The following HOMER2 variants were observed in gnomAD, a reference collection of about 807,000 sequenced individuals.
The protein encoded by HOMER2 is homer protein homolog 2.
A neutral mutation model predicts 47.0 loss-of-function variants in HOMER2; 27 were observed. The observed-to-expected ratio is 0.57, with a 90% confidence interval of 0.42 to 0.79. HOMER2 has a LOEUF of 0.79. Ranked by LOEUF, HOMER2 falls within the 30% of genes least tolerant of loss-of-function variation. The pLI, the probability that HOMER2 is intolerant of heterozygous loss-of-function variation, is 0.00. For missense variants in HOMER2, 443 were observed against 435.0 expected (o/e 1.02, Z -0.16); for synonymous variants, 161 against 163.8 (o/e 0.98, Z 0.13).
intron 3 of HOMER2, among the ~76,000 whole-genome samples, chr15:82,873,349 A>G (rs2052239263): frequency 6.6e-6 from 1 of 152,150 alleles, no homozygotes; most frequent in African/African-American, 2.4e-5. Flanking sequence ...AGATTTACCC[A>G]ATACTTTCTG....
intron 1 of HOMER2, among the ~76,000 whole-genome samples, chr15:82,977,390 C>A (rs984966429): frequency 1.3e-5 from 2 of 152,162 alleles, no homozygotes; most frequent in African/African-American, 2.4e-5. Flanking sequence ...GAAGGATTCA[C>A]CTTCATTCTG....
intron 2 of HOMER2, among the ~76,000 whole-genome samples, chr15:82,880,477 G>A (rs906820692): frequency 5.9e-5 from 9 of 152,154 alleles, no homozygotes; most frequent in African/African-American, 1.4e-4. Context: ...AATGAAAGAC[G>A]TACTTCCACT....
intron 1 of HOMER2, among the ~76,000 whole-genome samples, chr15:82,902,741 G>A (rs1009769134): frequency 6.6e-6 from 1 of 151,094 alleles, no homozygotes; most frequent in Non-Finnish European, 1.5e-5. Context: ...TCTTAATATT[G>A]ACTAGATACG....
intron 2 of HOMER2, among the ~76,000 whole-genome samples, chr15:82,888,978 T>C (rs1410446147): frequency 6.6e-6 from 1 of 152,170 alleles, no homozygotes; most frequent in African/African-American, 2.4e-5. Context: ...TGGAGGCGGC[T>C]TCCCCTTCCA....
At chr15:82,901,431 CAT>C (rs2053114297) in intron 1 of HOMER2, among the ~76,000 whole-genome samples, 1 of 152,172 alleles carries the variant, frequency 6.6e-6, no homozygotes, top group Non-Finnish European at 1.5e-5. Context: ...TCACTAGCAA[CAT>C]AGCAATGCCA....
intron 2 of HOMER2, among the ~76,000 whole-genome samples, chr15:82,881,330 A>G (rs758194767): frequency 1.3e-5 from 2 of 152,186 alleles, no homozygotes; most frequent in Non-Finnish European, 2.9e-5. Context: ...TGCTCATGAA[A>G]CAGGCAGGGG....
At chr15:82,895,480 C>A (rs1027485684) in intron 1 of HOMER2, among the ~76,000 whole-genome samples, 2 of 152,196 alleles carry the variant, frequency 1.3e-5, no homozygotes, top group African/African-American at 4.8e-5. Context: ...CCACTCTCAG[C>A]CCAGCACCAT....
chr15:82,943,413 A>G (rs1011560423), intron 1 of HOMER2, among the ~76,000 whole-genome samples: 5 of 152,170 alleles, frequency 3.3e-5, no homozygotes, highest in Non-Finnish European at 7.3e-5. Context: ...GCTCTTCCTC[A>G]TACCAAGTGA....
intron 1 of HOMER2, among the ~76,000 whole-genome samples, chr15:82,938,507 G>T (rs554599641): frequency 6.6e-6 from 1 of 152,162 alleles, no homozygotes; most frequent in East Asian, 1.9e-4. Context: ...TCCTCTAGTT[G>T]CCGCCTGCCT....
At chr15:82,936,966 T>C (rs1159495396) in intron 1 of HOMER2, among the ~76,000 whole-genome samples, 2 of 152,132 alleles carry the variant, frequency 1.3e-5, no homozygotes, top group Non-Finnish European at 2.9e-5. Context: ...TGCTAAACAA[T>C]ATAGAGGGGC....
At chr15:82,845,145 C>G (rs1020291601), downstream of HOMER2, 5 of 152,062 alleles carry the variant, frequency 3.3e-5, no homozygotes, top group Admixed American at 1.3e-4. Context: ...AATAAAGTCT[C>G]CTCTTAGGTA....
chr15:82,864,325 C>A (rs368549239), intron 3 of HOMER2, 66 bp from the exon 4 acceptor site: 7 of 1,071,170 alleles, frequency 6.5e-6, no homozygotes, highest in Non-Finnish European at 9.7e-6. Context: ...TCAGAACCCA[C>A]CTTTATTTAT....
Position 82,952,690 on chromosome 15 carries a change from T to A in HOMER2, c.-155A>T. On this transcript the variant is annotated 5_prime_UTR_variant, in exon 1 of 9. Coordinates refer to ENST00000450735, the MANE Select transcript of HOMER2 (RefSeq NM_004839.4). ...TTCCGCGGGGCTGCGCGGCTGCCACTGCTGCCACTGCCGCCACCGCCGCCA... is the reference window on the plus strand; with the variant it reads ...TTCCGCGGGGCTGCGCGGCTGCCACAGCTGCCACTGCCGCCACCGCCGCCA... 1.0e-6 allele frequency: 1 copy of A among 987,456 alleles called. No individual in the cohort carries two copies. The highest frequency in any genetic ancestry group is 1.2e-6 in the Non-Finnish European group (1 of 832,528). The allele number at this position is 987,456 out of a possible 1,614,324, so 61.2% of individuals were successfully genotyped here. A position where few individuals can be genotyped will look rare whatever the true frequency, so the allele number is the denominator to read the frequency against.
intron 6 of HOMER2, among the ~76,000 whole-genome samples, chr15:82,853,816 C>T (rs1052859836): frequency 1.3e-5 from 2 of 152,140 alleles, no homozygotes; most frequent in Admixed American, 6.5e-5. Flanking sequence ...GAGTAGAGGG[C>T]GTACAACAGG....
At chr15:82,976,678 G>GTTTTTTT (rs11422973) in intron 1 of HOMER2, among the ~76,000 whole-genome samples, 1 of 125,208 alleles carries the variant, frequency 8.0e-6, no homozygotes, top group Non-Finnish European at 1.6e-5. Context: ...TTTGTGTGTG[G>GTTTTTTT]TTTTTTTTTT....
At chr15:82,863,936 G>C (rs2051876353) in intron 4 of HOMER2, among the ~76,000 whole-genome samples, 1 of 152,190 alleles carries the variant, frequency 6.6e-6, no homozygotes, top group Non-Finnish European at 1.5e-5. Flanking sequence ...CCTGGGCCAG[G>C]ATGTGTATTA....
chr15:82,910,881 A>G (rs1014587982), intron 1 of HOMER2, among the ~76,000 whole-genome samples: 1 of 152,152 alleles, frequency 6.6e-6, no homozygotes, highest in African/African-American at 2.4e-5. Context: ...AAAGTTAAAC[A>G]AGAGGAAGGC....
At chr15:82,841,929 A>C (rs1162322411) in exon 2 of HOMER2, 1 of 152,240 alleles carries the variant, frequency 6.6e-6, no homozygotes, top group African/African-American at 2.4e-5. Context: ...GCTAAAACAT[A>C]CTTTAGGAAA....
chr15:82,958,469 G>A (rs551783498), exon 2 of HOMER2: 4 of 152,398 alleles, frequency 2.6e-5, no homozygotes, highest in South Asian at 2.1e-4. Flanking sequence ...AAAGACCTCC[G>A]GGTCATGTTA....
Sources: gnomAD v4.1 joint callset for allele counts (sites outside exome capture counted in the v4.1 genomes callset) on GRCh38, gnomAD v4.1.1 for gene constraint, MANE v1.5 for transcripts, NCBI Gene and HGNC (gene_info 2026-07-23, HGNC 2026-07-21) for gene names.